Variants in PHACTR3 observed in about 807,000 individuals in gnomAD.
PHACTR3 encodes protein phosphatase 1, regulatory subunit 123.
A neutral mutation model predicts 66.8 loss-of-function variants in PHACTR3; 16 were observed. The observed-to-expected ratio is 0.24, with a 90% CI of 0.16 to 0.36. The LOEUF is 0.36. Among genes scored for constraint, PHACTR3 ranks in the 10% least tolerant of loss-of-function variants. The pLI, the probability that PHACTR3 is intolerant of heterozygous loss-of-function variation, is 1.00. For synonymous variants in PHACTR3, 323 were observed against 292.1 expected (o/e 1.11, Z -1.08); for missense variants, 647 against 719.9 (o/e 0.90, Z 1.16).
At chr20:59,687,553 C>T (rs921975539) in intron 1 of PHACTR3, among the ~76,000 whole-genome samples, 1 of 152,070 alleles carries the variant, frequency 6.6e-6, no homozygotes, top group African/African-American at 2.4e-5. Context: ...CATGATTTCC[C>T]AGAGTGTGGA....
chr20:59,815,732 TG>T (rs1229543544), intron 8 of PHACTR3, among the ~76,000 whole-genome samples: 1 of 152,212 alleles, frequency 6.6e-6, no homozygotes, highest in Non-Finnish European at 1.5e-5. Flanking sequence ...TTGGGTTTCC[TG>T]TTTTATAGTG....
chr20:59,650,394 C>T lies in PHACTR3; in HGVS notation c.118+45262C>T, dbSNP rs920902069. Among the ~76,000 whole-genome samples, 11 of 151,808 alleles carry T rather than the reference C, an allele frequency of 7.2e-5. No homozygotes were observed. In the East Asian group the frequency reaches 2.1e-3, roughly 29 times the overall value. ...TTGATTGTTCTCGTTGGGGGGAGGGCGTTAATTTTAAAAAGTCAAGTGAAA... is the reference window on the plus strand; with the variant it reads ...TTGATTGTTCTCGTTGGGGGGAGGGTGTTAATTTTAAAAAGTCAAGTGAAA... On this transcript the variant is annotated intron_variant, in intron 1 of 12. Coordinates refer to ENST00000371015, the MANE Select transcript of PHACTR3 (RefSeq NM_080672.5).
chr20:59,763,694 G>T (rs1287597349), intron 4 of PHACTR3, among the ~76,000 whole-genome samples: 1 of 152,228 alleles, frequency 6.6e-6, no homozygotes, highest in Non-Finnish European at 1.5e-5. Context: ...CCTGTGAGAA[G>T]GTTAGACAGG....
At chr20:59,600,952 T>A (rs2033462754), upstream of PHACTR3, among the ~76,000 whole-genome samples, 1 of 152,190 alleles carries the variant, frequency 6.6e-6, no homozygotes, top group African/African-American at 2.4e-5. Flanking sequence ...ATGCTTTTTT[T>A]TTTTTTTTAA....
chr20:59,764,241 C>T (rs1056502212), intron 4 of PHACTR3, among the ~76,000 whole-genome samples: 5 of 149,530 alleles, frequency 3.3e-5, no homozygotes, highest in African/African-American at 1.3e-4. Flanking sequence ...CCCCAGGCTG[C>T]CCTTCCTCCC....
At chr20:59,747,594 T>C (rs2039421911) in intron 2 of PHACTR3, among the ~76,000 whole-genome samples, 164 bp from the exon 3 acceptor site, 2 of 152,336 alleles carry the variant, frequency 1.3e-5, no homozygotes, top group Non-Finnish European at 1.5e-5. Context: ...GCACTCTTGG[T>C]AAGAAAGTTG....
chr20:59,794,123 CAAAAAAAA>C (rs71183186), intron 7 of PHACTR3, among the ~76,000 whole-genome samples: 3 of 97,856 alleles, frequency 3.1e-5, no homozygotes, highest in African/African-American at 8.9e-5. Context: ...GACTCCATCT[CAAAAAAAA>C]AAAAAAAAAA....
intron 1 of PHACTR3, among the ~76,000 whole-genome samples, chr20:59,730,739 CA>C (rs1568755875): frequency 6.6e-6 from 1 of 152,158 alleles, no homozygotes; most frequent in Non-Finnish European, 1.5e-5. Flanking sequence ...ATGCACAAAC[CA>C]AATGCACTTT....
In PHACTR3 at chr20:59,805,896, G is replaced by C. The variant is rs564473629; in HGVS notation, c.1175-145G>C. ...TGGAAAGTGCCGCAAGCTGGCGAGCGTGTGTCCTCTCAGTTCTAGCCACCA... is the reference window on the plus strand; with the variant it reads ...TGGAAAGTGCCGCAAGCTGGCGAGCCTGTGTCCTCTCAGTTCTAGCCACCA... On this transcript the variant is annotated intron_variant, in intron 7 of 12. Coordinates refer to ENST00000371015, the MANE Select transcript of PHACTR3 (RefSeq NM_080672.5). 8 of 837,250 alleles carry C rather than the reference G, an allele frequency of 9.6e-6. No homozygotes were observed. The African/African-American group carries it at 1.2e-4, about 13-fold the overall frequency. The allele number at this position is 837,250 out of a possible 1,614,324, so 51.9% of individuals were successfully genotyped here. A position where few individuals can be genotyped will look rare whatever the true frequency, so the allele number is the denominator to read the frequency against.
chr20:59,706,326 A>G (rs2037700100), intron 1 of PHACTR3, among the ~76,000 whole-genome samples: 1 of 152,362 alleles, frequency 6.6e-6, no homozygotes, highest in Non-Finnish European at 1.5e-5. Context: ...AGGACGCTGC[A>G]TAAACAAATT....
At chr20:59,725,326 G>A (rs2146697859) in intron 1 of PHACTR3, among the ~76,000 whole-genome samples, 1 of 152,286 alleles carries the variant, frequency 6.6e-6, no homozygotes, top group African/African-American at 2.4e-5. Flanking sequence ...AGCTCAGGTG[G>A]GTGTGAGCCC....
chr20:59,835,447 G>C (rs2042499490), intron 8 of PHACTR3, among the ~76,000 whole-genome samples: 1 of 152,144 alleles, frequency 6.6e-6, no homozygotes, highest in Admixed American at 6.5e-5. Flanking sequence ...GCTGGGACAA[G>C]GATTATAAAT....
chr20:59,841,710 C>T (rs756205783), intron 11 of PHACTR3, among the ~76,000 whole-genome samples, 175 bp downstream of exon 11: 6 of 152,142 alleles, frequency 3.9e-5, no homozygotes, highest in Admixed American at 6.5e-5. Flanking sequence ...TGGTTCTCAG[C>T]TAGGTGACAG....
intron 1 of PHACTR3, among the ~76,000 whole-genome samples, chr20:59,677,692 T>C (rs1238984098): frequency 1.3e-5 from 2 of 152,172 alleles, no homozygotes; most frequent in Non-Finnish European, 2.9e-5. Context: ...CTTGCTTTCT[T>C]TTTAGAGGAC....
chr20:59,812,991 G>A (rs2041782396), intron 8 of PHACTR3, among the ~76,000 whole-genome samples: 1 of 152,206 alleles, frequency 6.6e-6, no homozygotes. Context: ...TGCTGCCTGA[G>A]GCCAAGCATC....
At chr20:59,756,814 C>T (rs1447623651) in intron 4 of PHACTR3, among the ~76,000 whole-genome samples, 1 of 151,926 alleles carries the variant, frequency 6.6e-6, no homozygotes, top group Admixed American at 6.6e-5. Context: ...TAATGCTTTC[C>T]CTCCCCCTCC....
intron 1 of PHACTR3, among the ~76,000 whole-genome samples, chr20:59,702,266 A>T (rs1208420055): frequency 6.6e-6 from 1 of 151,434 alleles, no homozygotes; most frequent in Non-Finnish European, 1.5e-5. Context: ...CACTGTCATC[A>T]CCTCCCTGTC....
intron 2 of PHACTR3, among the ~76,000 whole-genome samples, chr20:59,743,662 C>T (rs2039259442): frequency 6.6e-6 from 1 of 152,218 alleles, no homozygotes; most frequent in South Asian, 2.1e-4. Flanking sequence ...CACGCGACTC[C>T]CGCACCACCT....
intron 1 of PHACTR3, among the ~76,000 whole-genome samples, chr20:59,728,367 G>A (rs909167770): frequency 2.0e-5 from 3 of 152,002 alleles, no homozygotes; most frequent in Admixed American, 2.0e-4. Context: ...GTGAAATATA[G>A]GATTACTGTA....
Sources: gnomAD v4.1 joint callset for allele counts (sites outside exome capture counted in the v4.1 genomes callset) on GRCh38, gnomAD v4.1.1 for gene constraint, MANE v1.5 for transcripts, NCBI Gene and HGNC (gene_info 2026-07-23, HGNC 2026-07-21) for gene names.